RBFOX1: variants seen among roughly 807,000 people sequenced by gnomAD.
RBFOX1 encodes RNA binding fox-1 homolog 1, also known as RNA binding protein fox-1 homolog 1.
RBFOX1 carries 8 observed loss-of-function variants against 57.7 expected under a neutral mutation model. The observed-to-expected ratio is 0.14, with a 90% CI of 0.08 to 0.25. The LOEUF (loss-of-function observed/expected upper bound fraction) is 0.25. Ranked by LOEUF, RBFOX1 falls within the 10% of genes least tolerant of loss-of-function variation. RBFOX1 has a pLI of 1.00. For missense variants in RBFOX1, 611 were observed against 548.5 expected (o/e 1.11, Z -1.14); for synonymous variants, 326 against 222.4 (o/e 1.47, Z -4.15).
At chr16:6,355,512 AT>A (rs1448970687) in intron 2 of RBFOX1, among the ~76,000 whole-genome samples, 1 of 152,000 alleles carries the variant, frequency 6.6e-6, no homozygotes, top group African/African-American at 2.4e-5. Flanking sequence ...TGTGTGCCAC[AT>A]TTTCTTCATC....
intron 3 of RBFOX1, among the ~76,000 whole-genome samples, chr16:6,684,371 G>A (rs2059119644): frequency 6.6e-6 from 1 of 152,164 alleles, no homozygotes; most frequent in African/African-American, 2.4e-5. Flanking sequence ...ATTTTCCTGA[G>A]CAGCCATTGA....
chr16:5,461,042 C>T (rs1049897678), intron 1 of RBFOX1, among the ~76,000 whole-genome samples: 4 of 152,090 alleles, frequency 2.6e-5, no homozygotes, highest in Non-Finnish European at 5.9e-5. Flanking sequence ...ATTTTCTCTA[C>T]TGGGGTGGGG....
intron 3 of RBFOX1, among the ~76,000 whole-genome samples, chr16:6,821,764 T>G (rs908962416): frequency 1.3e-5 from 2 of 152,236 alleles, no homozygotes; most frequent in Non-Finnish European, 2.9e-5. Flanking sequence ...AATGAACCAA[T>G]TTTTTCATTG....
intron 4 of RBFOX1, among the ~76,000 whole-genome samples, chr16:7,475,332 C>G (rs1014188462): frequency 1.9e-5 from 2 of 107,142 alleles, no homozygotes; most frequent in South Asian, 3.0e-4. Flanking sequence ...TTTTTTCTTT[C>G]TAGATGGAGT....
intron 2 of RBFOX1, among the ~76,000 whole-genome samples, chr16:6,582,008 A>G (rs2097543302): frequency 1.3e-5 from 2 of 152,216 alleles, no homozygotes; most frequent in African/African-American, 4.8e-5. Context: ...TGCTACCAGC[A>G]TCTAGTGGGA....
chr16:7,011,198 A>T (rs978499680), intron 3 of RBFOX1, among the ~76,000 whole-genome samples: 1 of 152,158 alleles, frequency 6.6e-6, no homozygotes, highest in Non-Finnish European at 1.5e-5. Flanking sequence ...ATTAGCAGTC[A>T]TTCGTGGAGT....
At chr16:7,590,509 C>T (rs1037912579) in intron 7 of RBFOX1, among the ~76,000 whole-genome samples, 1 of 151,928 alleles carries the variant, frequency 6.6e-6, no homozygotes, top group African/African-American at 2.4e-5. Flanking sequence ...TCTCGTTTAC[C>T]TCTGATATGG....
chr16:5,360,277 G>C (rs142706772), intron 1 of RBFOX1, among the ~76,000 whole-genome samples: 2 of 152,366 alleles, frequency 1.3e-5, no homozygotes, highest in African/African-American at 2.4e-5. Flanking sequence ...GATAATTAGA[G>C]GATAGGCATC....
chr16:6,610,710 G>C (rs949367445), intron 2 of RBFOX1, among the ~76,000 whole-genome samples: 2 of 152,198 alleles, frequency 1.3e-5, no homozygotes, highest in Non-Finnish European at 2.9e-5. Context: ...AGATTGCGAA[G>C]TGGTCTTGTT....
chr16:6,910,209 C>A (rs2071198587), intron 3 of RBFOX1, among the ~76,000 whole-genome samples: 1 of 151,942 alleles, frequency 6.6e-6, no homozygotes, highest in Non-Finnish European at 1.5e-5. Flanking sequence ...AAAGAGAAAT[C>A]CTAAGAGGAG....
At chr16:5,755,072 T>C (rs2053345710) in intron 3 of RBFOX1, among the ~76,000 whole-genome samples, 1 of 54,288 alleles carries the variant, frequency 1.8e-5, no homozygotes, top group African/African-American at 7.7e-5. Flanking sequence ...GCAGTTTTTG[T>C]GTCCCTGGGT....
Position 7,579,793 on chromosome 16 carries a change from C to T in RBFOX1, c.287C>T (p.Ala96Val). 2.5e-6 allele frequency: 4 copies of T among 1,614,094 alleles called. No individual in the cohort carries two copies. Among genetic ancestry groups the T allele is most frequent in the Non-Finnish European group, 2.5e-6 (3 of 1,179,960 alleles). The change falls in exon 6 of 16, where the codon GCA (alanine) becomes GTA (valine). Residue 96 changes from alanine (A) to valine (V), a missense_variant. Physicochemically the swap from Ala to Val is moderately conservative, Grantham distance 64. This residue lies in a region of RBFOX1 where 245 missense variants were observed against 159.1 expected (regional missense o/e 1.54). Coordinates refer to ENST00000550418, the MANE Select transcript of RBFOX1 (RefSeq NM_018723.4). ...TTCTTTTAGCAGACAGATGACGCAGCACCGACGGATGGCCAGCCCCAGACA... is the reference window on the plus strand; with the variant it reads ...TTCTTTTAGCAGACAGATGACGCAGTACCGACGGATGGCCAGCCCCAGACA... ...SGTATQTDDAAPTDGQPQTQP... is the reference protein window; with the variant it reads ...SGTATQTDDAVPTDGQPQTQP...
At chr16:5,242,844 G>A (rs1425015250) in intron 1 of RBFOX1, among the ~76,000 whole-genome samples, 2 of 152,086 alleles carry the variant, frequency 1.3e-5, no homozygotes, top group Non-Finnish European at 2.9e-5. Flanking sequence ...GTGGCTCCCA[G>A]GCTGTGCTCT....
chr16:7,702,398 T>C (rs991946529), intron 14 of RBFOX1, among the ~76,000 whole-genome samples: 2 of 152,208 alleles, frequency 1.3e-5, no homozygotes, highest in African/African-American at 4.8e-5. Flanking sequence ...GTTGCAGAAT[T>C]GCCAAGAGAT....
intron 4 of RBFOX1, among the ~76,000 whole-genome samples, chr16:7,439,711 T>G (rs2098750953): frequency 6.6e-6 from 1 of 152,222 alleles, no homozygotes; most frequent in Admixed American, 6.5e-5. Context: ...TTTGTGACTG[T>G]ATCTGCATTG....
rs1338621361 is a variant in RBFOX1, at chr16:5,384,975, C to G, written c.220-82241C>G. ...TGTTGGTCAAATTAAAACAAAATCG[C>G]TTACTGCAATCTTTCCCCCTCAGTG... On this transcript the variant is annotated intron_variant, in intron 1 of 2. Coordinates refer to the RBFOX1 transcript ENST00000585867. 2.6e-5 allele frequency among the ~76,000 whole-genome samples: 4 copies of G among 152,334 alleles called. No individual in the cohort carries two copies. In the South Asian group the frequency reaches 8.3e-4, roughly 32 times the overall value.
intron 4 of RBFOX1, among the ~76,000 whole-genome samples, chr16:7,472,114 G>T (rs576410023): frequency 6.6e-6 from 1 of 152,112 alleles, no homozygotes; most frequent in East Asian, 1.9e-4. Context: ...TTAAAAAATC[G>T]AAGAATATAT....
At chr16:5,904,074 C>G (rs573942547) in intron 4 of RBFOX1, among the ~76,000 whole-genome samples, 3 of 152,100 alleles carry the variant, frequency 2.0e-5, no homozygotes, top group African/African-American at 7.2e-5. Flanking sequence ...CAGCATGTTC[C>G]CTGCTCCCCT....
intron 4 of RBFOX1, among the ~76,000 whole-genome samples, chr16:7,505,276 C>T (rs1284683442): frequency 3.3e-5 from 5 of 150,930 alleles, no homozygotes; most frequent in Non-Finnish European, 7.4e-5. Flanking sequence ...AGACAAGGTT[C>T]CTATACTCAT....
Sources: gnomAD v4.1 joint callset for allele counts (sites outside exome capture counted in the v4.1 genomes callset) on GRCh38, gnomAD v4.1.1 for gene constraint, gnomAD v4.1.1 regional missense constraint, MANE v1.5 for transcripts, NCBI Gene and HGNC (gene_info 2026-07-23, HGNC 2026-07-21) for gene names.